The following UNC13C variants were observed in gnomAD, a reference collection of about 807,000 sequenced individuals.
UNC13C encodes protein unc-13 homolog C.
Under a neutral mutation model 245.4 loss-of-function variants are expected in UNC13C, and 174 were observed. The observed-to-expected ratio is 0.71, with a 90% CI of 0.63 to 0.80. The LOEUF is 0.80. UNC13C is among the 30% of genes least tolerant of loss of function. The pLI is 0.00. For missense variants in UNC13C, 2,829 were observed against 2,602.9 expected (o/e 1.09, Z -1.89); for synonymous variants, 992 against 895.1 (o/e 1.11, Z -1.93).
chr15:54,146,679 C>T (rs142857935), intron 4 of UNC13C, among the ~76,000 whole-genome samples: 35 of 152,226 alleles, frequency 2.3e-4, no homozygotes, highest in African/African-American at 8.2e-4. Context: ...CATTTATACC[C>T]TTTAGTGGTT....
intron 1 of UNC13C, among the ~76,000 whole-genome samples, chr15:53,986,493 C>T (rs1359461215): frequency 6.6e-6 from 1 of 152,034 alleles, no homozygotes; most frequent in African/African-American, 2.4e-5. Context: ...TAGAAATATA[C>T]AGAATCCTTC....
chr15:54,112,461 C>A (rs1900828445), intron 2 of UNC13C, among the ~76,000 whole-genome samples: 2 of 152,164 alleles, frequency 1.3e-5, no homozygotes, highest in African/African-American at 4.8e-5. Context: ...TGGCCACCCA[C>A]CTTAATCTAT....
the UNC13C span, among the ~76,000 whole-genome samples, chr15:53,970,945 T>C: frequency 6.6e-6 from 1 of 152,200 alleles, no homozygotes; most frequent in African/African-American, 2.4e-5. Flanking sequence ...CTGTTTTGCA[T>C]AGTAGCTACA....
intron 4 of UNC13C, among the ~76,000 whole-genome samples, chr15:54,218,388 G>C (rs1439352961): frequency 2.0e-5 from 3 of 151,992 alleles, no homozygotes; most frequent in Non-Finnish European, 4.4e-5. Flanking sequence ...TTATGGATCA[G>C]TGAGTGTGAT....
chr15:54,072,883 C>CT lies in UNC13C; in HGVS notation c.2983+57006dup, dbSNP rs34408333. On this transcript the variant is annotated intron_variant, in intron 2 of 32. Coordinates refer to ENST00000260323, the MANE Select transcript of UNC13C (RefSeq NM_001080534.3). ...CATCCACAGCCTCTTTCTTCTTCTT[C>CT]TTTTTTTTTAAATTATAGTTTAAGT... Among the ~76,000 whole-genome samples the CT allele has an allele frequency of 8.6e-5, 13 of 151,544 alleles. No individual in the cohort carries two copies. In the East Asian group the frequency reaches 1.8e-3, roughly 20 times the overall value.
chr15:54,240,053 G>A (rs2035810375), intron 7 of UNC13C, among the ~76,000 whole-genome samples: 1 of 152,164 alleles, frequency 6.6e-6, no homozygotes, highest in South Asian at 2.1e-4. Context: ...TATTTTCTGA[G>A]TCCTGGACAG....
chr15:54,365,774 AAC>A (rs201096907), intron 17 of UNC13C, among the ~76,000 whole-genome samples: 18 of 151,340 alleles, frequency 1.2e-4, no homozygotes, highest in Admixed American at 6.0e-4. Flanking sequence ...AAAAAAAAAA[AAC>A]TTGACCCAAG....
chr15:54,522,447 C>T (rs1188225544), intron 24 of UNC13C, among the ~76,000 whole-genome samples: 1 of 152,100 alleles, frequency 6.6e-6, no homozygotes, highest in African/African-American at 2.4e-5. Flanking sequence ...CACTGCACTC[C>T]AGCCTGGGCA....
At chr15:54,228,391 A>T (rs962238732) in intron 4 of UNC13C, among the ~76,000 whole-genome samples, 1 of 151,356 alleles carries the variant, frequency 6.6e-6, no homozygotes, top group African/African-American at 2.4e-5. Context: ...AATCTCCTTC[A>T]CCCTTTTCTC....
At chr15:53,949,667 A>G in the UNC13C span, among the ~76,000 whole-genome samples, 3 of 152,294 alleles carry the variant, frequency 2.0e-5, no homozygotes, top group Non-Finnish European at 2.9e-5. Flanking sequence ...GACCTGGCAC[A>G]TCAAAGAGAG....
chr15:54,218,532 G>A (rs1470959173), intron 4 of UNC13C, among the ~76,000 whole-genome samples: 1 of 151,926 alleles, frequency 6.6e-6, no homozygotes, highest in Non-Finnish European at 1.5e-5. Flanking sequence ...AAACCTACAA[G>A]GAGTTCAGGA....
chr15:54,373,367 C>G (rs763545694), intron 17 of UNC13C, among the ~76,000 whole-genome samples: 1 of 152,164 alleles, frequency 6.6e-6, no homozygotes, highest in Non-Finnish European at 1.5e-5. Flanking sequence ...GCAGGCCATG[C>G]TTGGCTTGTG....
chr15:54,078,598 A>T (rs893442904), intron 2 of UNC13C, among the ~76,000 whole-genome samples: 2 of 151,918 alleles, frequency 1.3e-5, no homozygotes, highest in African/African-American at 4.8e-5. Flanking sequence ...GCATTTTCTC[A>T]TATGTTTGTT....
intron 2 of UNC13C, among the ~76,000 whole-genome samples, chr15:54,093,595 T>A (rs182393914): frequency 6.6e-6 from 1 of 152,358 alleles, no homozygotes; most frequent in African/African-American, 2.4e-5. Context: ...AATTACCAAA[T>A]GCACGTGGGT....
intron 19 of UNC13C, among the ~76,000 whole-genome samples, chr15:54,480,415 T>TG (rs1893040650): frequency 1.1e-5 from 1 of 91,826 alleles, no homozygotes; most frequent in Non-Finnish European, 2.2e-5. Flanking sequence ...CTTTTTTTAC[T>TG]CTTTTTTTTT....
chr15:53,838,792 A>T, the UNC13C span, among the ~76,000 whole-genome samples: 1 of 152,030 alleles, frequency 6.6e-6, no homozygotes, highest in African/African-American at 2.4e-5. Context: ...GAGCTTGTTA[A>T]AACATGTAAA....
chr15:54,264,309 A>C lies in UNC13C; in HGVS notation c.3590A>C (p.Lys1197Thr). Residue 1197 changes from lysine to threonine, a missense_variant, in exon 9 of 33, where the codon AAA becomes ACA. Coordinates refer to ENST00000260323, the MANE Select transcript of UNC13C (RefSeq NM_001080534.3). ...ATCCAGGAAATGTTTCAGATTTCTA[A>C]AGAAGATTTTGTGCAGTTTACAAAG... The part of the protein sequence containing the change: ...EVIQEMFQIS[K>T]EDFVQFTKAA... The C allele has an allele frequency of 6.2e-7, 1 of 1,605,060 alleles. No homozygotes were observed. Among genetic ancestry groups the C allele is most frequent in the Non-Finnish European group, 8.5e-7 (1 of 1,175,460 alleles).
intron 4 of UNC13C, among the ~76,000 whole-genome samples, chr15:54,231,026 T>A (rs73409999): frequency 0.049 from 7,478 of 152,148 alleles, 619 homozygotes; most frequent in African/African-American, 0.17. Flanking sequence ...TTTTTTATCC[T>A]GTCTGTAATG....
At chr15:54,275,933 T>G (rs1398401209) in intron 10 of UNC13C, among the ~76,000 whole-genome samples, 1 of 152,102 alleles carries the variant, frequency 6.6e-6, no homozygotes, top group Non-Finnish European at 1.5e-5. Flanking sequence ...ACTGAAATAC[T>G]AGTTAATAGT....
Sources: allele counts gnomAD v4.1 joint callset (sites outside exome capture counted in the v4.1 genomes callset), GRCh38; gene constraint gnomAD v4.1.1; transcripts MANE v1.5; gene names NCBI Gene and HGNC (gene_info 2026-07-23, HGNC 2026-07-21).